Variants in FOXP1 observed in about 807,000 individuals in gnomAD.
FOXP1 encodes forkhead box P1, also known as forkhead box protein P1.
In FOXP1, 15 loss-of-function variants were observed where a neutral mutation model predicts 98.2. The observed-to-expected ratio is 0.15, with a 90% CI of 0.10 to 0.24. The LOEUF (loss-of-function observed/expected upper bound fraction) is 0.24. Ranked by LOEUF, FOXP1 falls within the 10% of genes least tolerant of loss-of-function variation. The probability of loss-of-function intolerance (pLI) is 1.00; values close to 1 mark genes in which losing one functional copy is unlikely to be tolerated. For missense variants in FOXP1, 633 were observed against 848.5 expected, an observed-to-expected ratio of 0.75 and a Z score of 3.15; for synonymous variants, 371 against 314.5, an observed-to-expected ratio of 1.18 and a Z score of -1.90.
At chr3:71,126,768 C>A (rs1339149624) in intron 6 of FOXP1, among the ~76,000 whole-genome samples, 1 of 149,600 alleles carries the variant, frequency 6.7e-6, no homozygotes, top group African/African-American at 2.5e-5. Flanking sequence ...AGGCTGCAGT[C>A]GGCTGAGATA....
chr3:71,577,564 C>G (rs2047821200), intron 2 of FOXP1, among the ~76,000 whole-genome samples: 1 of 152,212 alleles, frequency 6.6e-6, no homozygotes, highest in Non-Finnish European at 1.5e-5. Flanking sequence ...AGCCTTTATC[C>G]TTAATTCATC....
chr3:70,980,843 A>T (rs1279399049), intron 14 of FOXP1, among the ~76,000 whole-genome samples: 1 of 152,240 alleles, frequency 6.6e-6, no homozygotes. Context: ...AAAGGTACAC[A>T]GTAACCACAA....
intron 6 of FOXP1, among the ~76,000 whole-genome samples, 197 bp from the exon 7 acceptor site, chr3:71,112,834 G>T (rs184465125): frequency 6.6e-6 from 1 of 151,988 alleles, no homozygotes; most frequent in Non-Finnish European, 1.5e-5. Flanking sequence ...CCTTTGACTC[G>T]GCCAGTTTCA....
intron 5 of FOXP1, among the ~76,000 whole-genome samples, chr3:71,205,057 T>C (rs936726145): frequency 1.3e-5 from 2 of 152,070 alleles, no homozygotes; most frequent in Admixed American, 6.5e-5. Flanking sequence ...GTTCAAAAAG[T>C]AATCAAGGGA....
At chr3:71,065,332 G>C (rs2107341881) in intron 7 of FOXP1, among the ~76,000 whole-genome samples, 1 of 152,244 alleles carries the variant, frequency 6.6e-6, no homozygotes, top group Non-Finnish European at 1.5e-5. Flanking sequence ...TAACCTTTCC[G>C]AGAAACCCGG....
intron 7 of FOXP1, among the ~76,000 whole-genome samples, chr3:71,089,183 C>A (rs887305434): frequency 1.3e-5 from 2 of 152,214 alleles, no homozygotes; most frequent in African/African-American, 4.8e-5. Flanking sequence ...GGGCCGGTCT[C>A]TGTGACCAAT....
At chr3:71,542,596 C>T (rs1041691360) in intron 2 of FOXP1, among the ~76,000 whole-genome samples, 1 of 152,222 alleles carries the variant, frequency 6.6e-6, no homozygotes, top group African/African-American at 2.4e-5. Flanking sequence ...GCCGCACAGA[C>T]GACACAGTTC....
chr3:71,166,118 T>C (rs2061386142), intron 6 of FOXP1, among the ~76,000 whole-genome samples: 2 of 152,172 alleles, frequency 1.3e-5, no homozygotes, highest in Non-Finnish European at 2.9e-5. Flanking sequence ...GACAGCCCAA[T>C]ACTTAGCGCC....
rs1435779177 is a variant in FOXP1, at chr3:70,958,315, T to C, written c.*932A>G. 1 of 535,266 alleles carries C rather than the reference T, an allele frequency of 1.9e-6. No individual in the cohort carries two copies. The highest frequency in any genetic ancestry group is 1.5e-5 in the South Asian group (1 of 65,256). 33.2% of individuals were successfully genotyped at this position (535,266 alleles called of 1,614,324 possible). On this transcript the variant is annotated 3_prime_UTR_variant, in exon 21 of 21. Transcript: ENST00000649528. Reference sequence around the variant, plus strand: ...TTGTTCCTAGAGTTTGTCTCTCTTTTTTTTTTCTGTCATTCATTCTCTTTC... The same window carrying C: ...TTGTTCCTAGAGTTTGTCTCTCTTTCTTTTTTCTGTCATTCATTCTCTTTC...
chr3:71,064,096 A>T (rs1483418723), intron 7 of FOXP1, among the ~76,000 whole-genome samples: 2 of 152,170 alleles, frequency 1.3e-5, no homozygotes, highest in Non-Finnish European at 2.9e-5. Context: ...CTACTTAATT[A>T]ACCAGCCAAG....
chr3:71,203,294 A>C (rs1016494540), intron 5 of FOXP1, among the ~76,000 whole-genome samples: 2 of 152,208 alleles, frequency 1.3e-5, no homozygotes, highest in African/African-American at 2.4e-5. Flanking sequence ...TCTTGCTTGG[A>C]AACATTACAG....
At chr3:71,112,662 T>G (rs1161880801) in intron 6 of FOXP1, 25 bp from the exon 7 acceptor site, 1 of 1,549,086 alleles carries the variant, frequency 6.5e-7, no homozygotes, top group Non-Finnish European at 8.9e-7. Context: ...AAGAAAATCC[T>G]TTGCGTTACT....
At position 71,041,380 on chromosome 3, in the gene FOXP1, G is replaced by A; in HGVS notation, c.817C>T (p.Pro273Ser). The change falls in exon 11 of 21, where the codon CCA becomes TCA. Residue 273 changes from proline to serine, a missense_variant. By Grantham distance (74) the Pro-to-Ser change is moderately conservative. This residue lies in a region of FOXP1 where 210 missense variants were observed against 270.6 expected (regional missense o/e 0.78). Coordinates refer to ENST00000649528, the MANE Select transcript of FOXP1 (RefSeq NM_001349338.3). ...AGCTGTCCATTGGTAGAGGCATGTG[G>A]GTTCATTATTAAGGAGGTCTTGGAA... ...APSKTSLIMN[P>S]HASTNGQLSV... 3 of 1,613,748 alleles carry A rather than the reference G, an allele frequency of 1.9e-6. No homozygotes were observed. The highest frequency in any genetic ancestry group is 1.7e-6 in the Non-Finnish European group (2 of 1,179,786).
At chr3:71,083,570 C>A (rs145341382) in intron 7 of FOXP1, among the ~76,000 whole-genome samples, 64 of 152,298 alleles carry the variant, frequency 4.2e-4, no homozygotes, top group African/African-American at 1.5e-3. Flanking sequence ...GCTGGAATTA[C>A]TGAGCAAGAG....
chr3:70,986,894 AT>A (rs1454240290), intron 14 of FOXP1, among the ~76,000 whole-genome samples: 2 of 152,098 alleles, frequency 1.3e-5, no homozygotes, highest in African/African-American at 4.8e-5. Flanking sequence ...AGGCTACCAT[AT>A]TTGCTGGGTT....
chr3:71,055,860 T>C (rs558104669), intron 7 of FOXP1, among the ~76,000 whole-genome samples: 1 of 152,332 alleles, frequency 6.6e-6, no homozygotes, highest in Admixed American at 6.5e-5. Context: ...ATGTACAATA[T>C]AAATATTCTT....
At chr3:71,036,387 C>T (rs2047592552) in intron 11 of FOXP1, among the ~76,000 whole-genome samples, 1 of 152,186 alleles carries the variant, frequency 6.6e-6, no homozygotes, top group South Asian at 2.1e-4. Context: ...GCCCAACCAC[C>T]ATCTGATCAG....
chr3:71,009,914 GA>G (rs1431923733), intron 12 of FOXP1, among the ~76,000 whole-genome samples: 2 of 144,756 alleles, frequency 1.4e-5, no homozygotes, highest in Non-Finnish European at 3.0e-5. Context: ...ACACCCAGCT[GA>G]ATTTTTTTTT....
At chr3:70,994,232 T>C (rs1402550914) in intron 13 of FOXP1, among the ~76,000 whole-genome samples, 2 of 151,058 alleles carry the variant, frequency 1.3e-5, no homozygotes, top group South Asian at 2.1e-4. Flanking sequence ...GGGCATTCAA[T>C]AGCTCTCTCC....
Sources: allele counts gnomAD v4.1 joint callset (sites outside exome capture counted in the v4.1 genomes callset), GRCh38; gene constraint gnomAD v4.1.1; regional missense constraint gnomAD v4.1.1; transcripts MANE v1.5; gene names NCBI Gene and HGNC (gene_info 2026-07-23, HGNC 2026-07-21).